The following PRKAR1A variants were observed in gnomAD, a reference collection of about 807,000 sequenced individuals.
PRKAR1A encodes the protein protein kinase cAMP-dependent type I regulatory subunit alpha, also known as cAMP-dependent protein kinase type I-alpha regulatory subunit.
In PRKAR1A, 3 loss-of-function variants were observed where a neutral mutation model predicts 52.0. The observed-to-expected ratio is 0.06, with a 90% CI of 0.03 to 0.15. PRKAR1A has a LOEUF of 0.15. Ranked by LOEUF, PRKAR1A falls within the 10% of genes least tolerant of loss-of-function variation. The pLI is 1.00. For missense variants in PRKAR1A, 240 were observed against 477.4 expected (o/e 0.50, Z 4.63); for synonymous variants, 188 against 168.4 (o/e 1.12, Z -0.90).
downstream of PRKAR1A, chr17:68,537,267 C>A: frequency 1.4e-6 from 1 of 722,978 alleles, no homozygotes; most frequent in Non-Finnish European, 2.4e-6. The surrounding 1 kb of genome is among the most constrained non-coding windows in gnomAD (Gnocchi z 4.2). Context: ...TTGGGAAAAA[C>A]GGAGCAAGGC....
At chr17:68,429,258 C>T in the PRKAR1A span, among the ~76,000 whole-genome samples, 1 of 152,158 alleles carries the variant, frequency 6.6e-6, no homozygotes, top group Admixed American at 6.5e-5. Context: ...TGTGTCTCTG[C>T]CCTTAACCAA....
chr17:68,509,084 C>T (rs903467043), upstream of PRKAR1A, among the ~76,000 whole-genome samples: 5 of 152,054 alleles, frequency 3.3e-5, no homozygotes, highest in Non-Finnish European at 5.9e-5. Flanking sequence ...CTTCCTTTCA[C>T]GTTTTAGCTT....
chr17:68,486,506 C>CTTCCTTCCTTCCTTCCCTCT, the PRKAR1A span, among the ~76,000 whole-genome samples: 26 of 48,256 alleles, frequency 5.4e-4, no homozygotes, highest in East Asian at 2.1e-3. Context: ...TCCTTCCTTC[C>CTTCCTTCCTTCCTTCCCTCT]TTCTTTCTTT....
chr17:68,521,936 A>T (rs2085624596), intron 2 of PRKAR1A, among the ~76,000 whole-genome samples: 1 of 152,228 alleles, frequency 6.6e-6, no homozygotes, highest in South Asian at 2.1e-4. Context: ...AAGGCTCTAG[A>T]TGTGAAAAAA....
downstream of PRKAR1A, chr17:68,535,370 T>G (rs906035052): frequency 1.1e-5 from 5 of 454,006 alleles, no homozygotes; most frequent in Non-Finnish European, 2.2e-5. Context: ...TATAGGCCAT[T>G]GGAAAACCAG....
the PRKAR1A span, among the ~76,000 whole-genome samples, chr17:68,447,918 G>A: frequency 1.3e-4 from 19 of 150,278 alleles, no homozygotes; most frequent in African/African-American, 4.4e-4. Flanking sequence ...GCTTGAACAC[G>A]GGAGGTAGAG....
At chr17:68,423,066 A>G in the PRKAR1A span, among the ~76,000 whole-genome samples, 1 of 152,200 alleles carries the variant, frequency 6.6e-6, no homozygotes, top group Admixed American at 6.5e-5. This position sits in a 1 kb window ranked among gnomAD's most constrained non-coding sequence, Gnocchi z 4.4. Flanking sequence ...GAGCTCCTGT[A>G]GCAGACTACT....
At chr17:68,426,363 G>T in the PRKAR1A span, among the ~76,000 whole-genome samples, 1 of 152,024 alleles carries the variant, frequency 6.6e-6, no homozygotes, top group Non-Finnish European at 1.5e-5. Flanking sequence ...AGCCTGACCT[G>T]CCTTTCCACT....
At chr17:68,433,499 G>A in the PRKAR1A span, 1 of 1,614,070 alleles carries the variant, frequency 6.2e-7, no homozygotes. Flanking sequence ...TTGAAGATGT[G>A]TACCGTCTCG....
In PRKAR1A at chr17:68,514,555, C is replaced by CAATT. The variant is rs144736319; in HGVS notation, c.-6-838_-6-835dup. Among the ~76,000 whole-genome samples, 166 of 152,288 alleles carry CAATT rather than the reference C, an allele frequency of 1.1e-3. No homozygotes were observed. In the East Asian group the frequency reaches 0.023, roughly 21 times the overall value. ...CGAATCCTCTAAAATCCATTAAATG[C>CAATT]AATTTATCCATTAAATGTAATCCAT... On this transcript the variant is annotated intron_variant, in intron 1 of 10. Coordinates refer to ENST00000589228, the MANE Select transcript of PRKAR1A (RefSeq NM_002734.5).
At chr17:68,514,380 T>A (rs544655806) in intron 1 of PRKAR1A, among the ~76,000 whole-genome samples, 1 of 152,370 alleles carries the variant, frequency 6.6e-6, no homozygotes, top group East Asian at 1.9e-4. Context: ...CACACTCTTG[T>A]CTTCTACTCT....
rs2086030269 is a variant in PRKAR1A at position 68,533,409 on chromosome 17, C to A, written c.*2960C>A. 9.4e-7 allele frequency: 1 copy of A among 1,058,678 alleles called. No individual in the cohort carries two copies. The highest frequency in any genetic ancestry group is 5.4e-5 in the Admixed American group (1 of 18,586). 65.6% of individuals were successfully genotyped at this position (1,058,678 alleles called of 1,614,324 possible). On this transcript the variant is annotated 3_prime_UTR_variant, in exon 11 of 11. Transcript: ENST00000589228. ...CTGGAGTATGAAACCTTTAGAGTCA[C>A]AATAAAATGTAACTAAAGAAAATTT... is the stretch of plus-strand genomic sequence containing the variant.
chr17:68,518,901 A>G (rs1287253014), intron 2 of PRKAR1A, among the ~76,000 whole-genome samples: 3 of 152,176 alleles, frequency 2.0e-5, no homozygotes, highest in Non-Finnish European at 4.4e-5. Context: ...CTCAAGTTCA[A>G]AGTTCCACAG....
the PRKAR1A span, among the ~76,000 whole-genome samples, chr17:68,478,848 C>G: frequency 1.3e-5 from 2 of 152,088 alleles, no homozygotes. Context: ...CTGCCTCAGC[C>G]TCCCGAGTAG....
chr17:68,454,762 A>G, the PRKAR1A span, among the ~76,000 whole-genome samples: 2 of 152,244 alleles, frequency 1.3e-5, no homozygotes, highest in African/African-American at 4.8e-5. Flanking sequence ...AAAGTTTGCA[A>G]GTAAGGAAAG....
chr17:68,428,918 C>T, the PRKAR1A span: 1 of 1,613,954 alleles, frequency 6.2e-7, no homozygotes. Context: ...CAACTAGCAG[C>T]CGTGGCAACT....
chr17:68,473,423 T>C, the PRKAR1A span, among the ~76,000 whole-genome samples: 1 of 152,176 alleles, frequency 6.6e-6, no homozygotes, highest in Admixed American at 6.5e-5. Flanking sequence ...CAGACTCACA[T>C]AGAACTGATT....
At chr17:68,515,273 C>A in intron 1 of PRKAR1A, 121 bp from the exon 2 acceptor site, 1 of 1,156,118 alleles carries the variant, frequency 8.6e-7, no homozygotes, top group Non-Finnish European at 1.2e-6. Context: ...TGTTTAAAAA[C>A]AAAATCTACT....
chr17:68,437,287 GC>G, the PRKAR1A span, among the ~76,000 whole-genome samples: 3 of 152,090 alleles, frequency 2.0e-5, no homozygotes, highest in African/African-American at 7.2e-5. Flanking sequence ...AGGCAAGGTG[GC>G]CCACACCTGT....
Sources: allele counts gnomAD v4.1 joint callset (sites outside exome capture counted in the v4.1 genomes callset), GRCh38; gene constraint gnomAD v4.1.1; non-coding constraint Gnocchi (gnomAD v3.1); transcripts MANE v1.5; gene names NCBI Gene and HGNC (gene_info 2026-07-23, HGNC 2026-07-21).